The following MAST2 variants were observed in gnomAD, a reference collection of about 807,000 sequenced individuals.
MAST2 encodes microtubule associated serine/threonine kinase 2, also known as microtubule-associated serine/threonine-protein kinase 2.
A neutral mutation model predicts 147.4 loss-of-function variants in MAST2; 70 were observed. The observed-to-expected ratio is 0.47, with a 90% confidence interval of 0.39 to 0.58. The LOEUF (loss-of-function observed/expected upper bound fraction) is 0.58, where lower values mean the gene tolerates loss of function less well. MAST2 is among the 20% of genes least tolerant of loss of function. MAST2 has a pLI of 0.00. For missense variants in MAST2, 2,080 were observed against 2,302.3 expected (o/e 0.90, Z 1.98); for synonymous variants, 869 against 896.8 (o/e 0.97, Z 0.55).
intron 3 of MAST2, among the ~76,000 whole-genome samples, chr1:45,873,189 AT>A (rs35141954): frequency 1.6e-3 from 236 of 143,176 alleles, no homozygotes; most frequent in Admixed American, 5.3e-3. Flanking sequence ...TCTTCTTCCT[AT>A]TTTTTTTTTT....
intron 4 of MAST2, among the ~76,000 whole-genome samples, chr1:45,934,587 G>C (rs532562518): frequency 6.6e-6 from 1 of 152,162 alleles, no homozygotes; most frequent in Admixed American, 6.5e-5. Context: ...CACCACACCC[G>C]ACTACTTTTT....
At chr1:45,890,375 A>G (rs1339210136) in intron 4 of MAST2, among the ~76,000 whole-genome samples, 2 of 152,234 alleles carry the variant, frequency 1.3e-5, no homozygotes, top group Admixed American at 6.5e-5. Flanking sequence ...CAAGAAGGTG[A>G]CAACATGCTA....
At chr1:45,948,733 A>AAAAG (rs1658480838) in intron 4 of MAST2, among the ~76,000 whole-genome samples, 2 of 135,300 alleles carry the variant, frequency 1.5e-5, no homozygotes, top group Admixed American at 1.5e-4. Context: ...AAAAAAAAAA[A>AAAAG]GTCATATGGA....
At chr1:45,923,945 T>C (rs893603451) in intron 4 of MAST2, among the ~76,000 whole-genome samples, 7 of 152,112 alleles carry the variant, frequency 4.6e-5, no homozygotes, top group Non-Finnish European at 1.0e-4. Context: ...GATCTCGGCT[T>C]ACTGCAACCT....
At chr1:45,958,929 A>C (rs1056466328) in intron 4 of MAST2, among the ~76,000 whole-genome samples, 9 of 152,234 alleles carry the variant, frequency 5.9e-5, no homozygotes, top group East Asian at 3.8e-4. Flanking sequence ...TGAAATGAGA[A>C]TATTACTTAA....
chr1:46,024,326 C>T (rs182676285), intron 15 of MAST2: 2 of 288,168 alleles, frequency 6.9e-6, no homozygotes, highest in East Asian at 7.6e-5. Flanking sequence ...AGGTTTGCAT[C>T]TGGACCCTCA....
chr1:46,023,357 G>T lies in MAST2; in HGVS notation c.1571+39G>T. On this transcript the variant is annotated intron_variant, in intron 14 of 28. Coordinates refer to ENST00000361297, the MANE Select transcript of MAST2 (RefSeq NM_015112.3). This position sits in a 1 kb window ranked among gnomAD's most constrained non-coding sequence, Gnocchi z 4.9. ...TCAGGGTGTGGCCAGGACTGAAGCC[G>T]GGTCAGCCTTTGATCTCTTCCATGT... is the stretch of plus-strand genomic sequence containing the variant. 1.3e-6 allele frequency: 2 copies of T among 1,577,534 alleles called. No individual in the cohort carries two copies. Among genetic ancestry groups the T allele is most frequent in the Non-Finnish European group, 1.7e-6 (2 of 1,147,526 alleles).
intron 16 of MAST2, among the ~76,000 whole-genome samples, chr1:46,026,032 A>G (rs1646395279): frequency 6.6e-6 from 1 of 152,186 alleles, no homozygotes; most frequent in African/African-American, 2.4e-5. Context: ...CTTCGGTGAC[A>G]TGGAAGAGTC....
At chr1:45,847,363 TAA>T in intron 3 of MAST2, 1 of 503,146 alleles carries the variant, frequency 2.0e-6, no homozygotes. Flanking sequence ...CAATTTAATT[TAA>T]GTACCTTTCA....
chr1:45,841,128 A>G (rs1476526185), intron 3 of MAST2, among the ~76,000 whole-genome samples: 1 of 151,028 alleles, frequency 6.6e-6, no homozygotes, highest in African/African-American at 2.4e-5. Flanking sequence ...ATTATTTGTA[A>G]TGGGGGTTGG....
intron 16 of MAST2, 76 bp from the exon 17 acceptor site, chr1:46,027,655 A>G (rs1646470832): frequency 1.3e-6 from 2 of 1,496,904 alleles, no homozygotes; most frequent in Non-Finnish European, 1.8e-6. Flanking sequence ...TGAGTGGGGA[A>G]ACTGGGCATA....
In MAST2 at chr1:46,035,286, A is replaced by G. The variant is rs1464550038; in HGVS notation, c.4617A>G (p.Gly1539=). ...AGAGTGTGGCCCCTAAAGGAGCAGG[A>G]GAGAGTGGGGAAGAGGATCCTTTCC... ...VSQSVAPKGA[G]ESGEEDPFPS... The change falls in exon 29 of 29, where the codon GGA becomes GGG. Residue 1539 remains glycine (G), a synonymous_variant. Transcript: ENST00000361297. This position sits in a 1 kb window ranked among gnomAD's most constrained non-coding sequence, Gnocchi z 5.5. The G allele has an allele frequency of 6.2e-7, 1 of 1,613,954 alleles. No individual in the cohort carries two copies. The highest frequency in any genetic ancestry group is 1.7e-5 in the Admixed American group (1 of 60,014).
intron 5 of MAST2, among the ~76,000 whole-genome samples, chr1:45,970,834 C>A (rs1217739715): frequency 7.3e-6 from 1 of 137,284 alleles, no homozygotes; most frequent in Non-Finnish European, 1.5e-5. Context: ...GTTTGTTCAG[C>A]TTTTTACTTG....
intron 10 of MAST2, among the ~76,000 whole-genome samples, chr1:46,016,265 T>C (rs1014480604): frequency 7.6e-6 from 1 of 130,952 alleles, no homozygotes; most frequent in African/African-American, 2.8e-5. Flanking sequence ...CTTTGAAAAC[T>C]GCCACAAGAC....
At chr1:46,022,139 CAGCAGGGAAG>C in intron 12 of MAST2, 57 bp downstream of exon 12, 1 of 1,602,062 alleles carries the variant, frequency 6.2e-7, no homozygotes, top group Middle Eastern at 1.8e-4. Flanking sequence ...CAAGCTCTAA[CAGCAGGGAAG>C]CTGCTTGGAA....
chr1:45,896,274 G>A (rs540498366), intron 4 of MAST2, among the ~76,000 whole-genome samples: 22 of 152,112 alleles, frequency 1.4e-4, no homozygotes, highest in South Asian at 8.3e-4. Context: ...CAAGTGATCC[G>A]CCCTCCTTGG....
At chr1:45,825,561 T>A (rs1382120333) in intron 2 of MAST2, among the ~76,000 whole-genome samples, 1 of 151,692 alleles carries the variant, frequency 6.6e-6, no homozygotes, top group Non-Finnish European at 1.5e-5. Context: ...GCCTCCTGAG[T>A]AGCTGGGATC....
chr1:46,018,941 C>T (rs958978516), intron 10 of MAST2, among the ~76,000 whole-genome samples: 2 of 152,178 alleles, frequency 1.3e-5, no homozygotes, highest in Admixed American at 1.3e-4. Flanking sequence ...TTACCTATCA[C>T]CTAAATGGCT....
chr1:45,902,648 T>A (rs970555041), intron 4 of MAST2, among the ~76,000 whole-genome samples: 4 of 152,046 alleles, frequency 2.6e-5, no homozygotes, highest in African/African-American at 9.7e-5. Flanking sequence ...AAATTACTGA[T>A]TCAGTTTTAT....
Sources: allele counts gnomAD v4.1 joint callset (sites outside exome capture counted in the v4.1 genomes callset), GRCh38; gene constraint gnomAD v4.1.1; non-coding constraint Gnocchi (gnomAD v3.1); transcripts MANE v1.5; gene names NCBI Gene and HGNC (gene_info 2026-07-23, HGNC 2026-07-21).